Variants in PALLD observed in about 807,000 individuals in gnomAD.
The protein encoded by PALLD is palladin, cytoskeletal associated protein, also known as palladin.
A neutral mutation model predicts 123.5 loss-of-function variants in PALLD; 61 were observed. That is an observed-to-expected ratio of 0.49 (90% CI 0.40 to 0.61). The LOEUF (loss-of-function observed/expected upper bound fraction) is 0.61. Among genes scored for constraint, PALLD ranks in the 20% least tolerant of loss-of-function variants. PALLD has a pLI of 0.00. For missense variants in PALLD, 1,273 were observed against 1,377.0 expected, an observed-to-expected ratio of 0.92 and a Z score of 1.20; for synonymous variants, 465 against 496.4, an observed-to-expected ratio of 0.94 and a Z score of 0.84.
chr4:168,911,890 G>A (rs190678952), intron 15 of PALLD, among the ~76,000 whole-genome samples: 3 of 152,286 alleles, frequency 2.0e-5, no homozygotes, highest in East Asian at 3.9e-4. Flanking sequence ...AGTCACATAT[G>A]TAGTGGTATA....
chr4:168,612,224 G>T lies in PALLD; in HGVS notation c.909-55966G>T, dbSNP rs997619938. ...AGTTTCCTAAAATGCCTACTTTTAA[G>T]AAATTCAGTGTCCTTGAAATCTAGG... On this transcript the variant is annotated intron_variant, in intron 2 of 21. Coordinates refer to ENST00000505667, the MANE Select transcript of PALLD (RefSeq NM_001166108.2). Among the ~76,000 whole-genome samples the T allele has an allele frequency of 3.7e-5, 5 of 134,932 alleles. 1 individual carries two copies. The highest frequency in any genetic ancestry group is 7.9e-5 in the Non-Finnish European group (5 of 62,924). 88.5% of individuals were successfully genotyped at this position (134,932 alleles called of 152,430 possible). A position where few individuals can be genotyped will look rare whatever the true frequency, so the allele number is the denominator to read the frequency against.
chr4:168,638,586 C>G (rs780909874), intron 2 of PALLD, among the ~76,000 whole-genome samples: 2 of 152,184 alleles, frequency 1.3e-5, no homozygotes, highest in African/African-American at 4.8e-5. Flanking sequence ...GTTTATTGCT[C>G]ACAGTTCTGA....
chr4:168,648,634 G>A (rs1055158319), intron 2 of PALLD: 9 of 152,146 alleles, frequency 5.9e-5, no homozygotes, highest in African/African-American at 2.2e-4. Context: ...CTGCTTTTAA[G>A]GTCTCTTCAT....
intron 2 of PALLD, among the ~76,000 whole-genome samples, chr4:168,644,595 T>C (rs1198875930): frequency 6.6e-6 from 1 of 152,062 alleles, no homozygotes; most frequent in Non-Finnish European, 1.5e-5. Context: ...GAGTGGAGTA[T>C]GTAAATAGGA....
intron 10 of PALLD, among the ~76,000 whole-genome samples, chr4:168,848,153 C>CACCCA (rs1435275812): frequency 7.3e-6 from 1 of 136,558 alleles, no homozygotes; most frequent in Admixed American, 7.4e-5. Context: ...ACCCCCGTCC[C>CACCCA]ACCCCACCCC....
intron 10 of PALLD, among the ~76,000 whole-genome samples, chr4:168,840,923 T>C (rs1432252308): frequency 3.9e-5 from 6 of 152,170 alleles, no homozygotes; most frequent in Non-Finnish European, 8.8e-5. Context: ...TAATCTCGGC[T>C]CACTGCAACC....
intron 10 of PALLD, among the ~76,000 whole-genome samples, chr4:168,719,320 C>T (rs1392443663): frequency 1.0e-4 from 13 of 127,058 alleles, no homozygotes; most frequent in African/African-American, 1.5e-4. Flanking sequence ...TGCAATGACA[C>T]AATCTCGGCT....
intron 2 of PALLD, among the ~76,000 whole-genome samples, chr4:168,634,621 C>G (rs922214979): frequency 3.3e-5 from 5 of 152,186 alleles, no homozygotes; most frequent in African/African-American, 1.2e-4. Flanking sequence ...TCAGAGCGCA[C>G]TTGGTAGCGA....
chr4:168,860,014 C>G (rs1186569354), intron 10 of PALLD, among the ~76,000 whole-genome samples: 1 of 152,188 alleles, frequency 6.6e-6, no homozygotes, highest in Non-Finnish European at 1.5e-5. Context: ...TCAATTCTGA[C>G]TAACCACTGT....
chr4:168,866,919 G>C (rs1750369744), intron 10 of PALLD, among the ~76,000 whole-genome samples: 1 of 152,204 alleles, frequency 6.6e-6, no homozygotes, highest in South Asian at 2.1e-4. Flanking sequence ...CAGACTTAGA[G>C]CCATAGTCTT....
rs55781435 is a variant in PALLD at position 168,908,422 on chromosome 4, C to T, written c.2622+4516C>T. The stretch of plus-strand genomic sequence containing the variant: ...ATCTCAGCTTTACAACATCTATTAC[C>T]GTATATTAAAACTTTTTTCTTATAA... On this transcript the variant is annotated intron_variant, in intron 15 of 21. Coordinates refer to ENST00000505667, the MANE Select transcript of PALLD (RefSeq NM_001166108.2). Among the ~76,000 whole-genome samples, 387 of 151,840 alleles carry T rather than the reference C, an allele frequency of 2.5e-3. 1 individual carries two copies. Among genetic ancestry groups the T allele is most frequent in the African/African-American group, 8.8e-3 (366 of 41,412 alleles).
chr4:168,712,292 G>T, intron 10 of PALLD: 1 of 310,646 alleles, frequency 3.2e-6, no homozygotes, highest in Non-Finnish European at 6.1e-6. Context: ...TAAGTACTTT[G>T]CATTTGTTAC....
chr4:168,711,035 C>A (rs973292213), intron 9 of PALLD, among the ~76,000 whole-genome samples: 2 of 152,100 alleles, frequency 1.3e-5, no homozygotes, highest in African/African-American at 4.8e-5. Context: ...TTGAGGGCAA[C>A]AAATAAAAAT....
At chr4:168,761,663 T>TGTTTTG (rs1561494007) in intron 10 of PALLD, among the ~76,000 whole-genome samples, 21 of 134,816 alleles carry the variant, frequency 1.6e-4, no homozygotes, top group Admixed American at 1.5e-3. Context: ...TTTTTTTTTT[T>TGTTTTG]TTTTTTTTTT....
chr4:168,732,623 G>T (rs1787289668), intron 10 of PALLD, among the ~76,000 whole-genome samples: 1 of 148,056 alleles, frequency 6.8e-6, no homozygotes, highest in Non-Finnish European at 1.5e-5. Flanking sequence ...AAACATAGGG[G>T]CTTAAGGATG....
intron 10 of PALLD, among the ~76,000 whole-genome samples, chr4:168,788,030 G>A (rs1009699493): frequency 6.6e-6 from 1 of 152,152 alleles, no homozygotes; most frequent in African/African-American, 2.4e-5. Flanking sequence ...AACTAATCTG[G>A]CATCTTTGTT....
intron 10 of PALLD, among the ~76,000 whole-genome samples, chr4:168,747,445 A>G (rs1364538998): frequency 1.3e-5 from 2 of 152,270 alleles, no homozygotes; most frequent in East Asian, 3.8e-4. Context: ...AGTTGAAGGT[A>G]TTATTCCTAA....
chr4:168,624,079 T>A (rs1282433373), intron 2 of PALLD, among the ~76,000 whole-genome samples: 3 of 152,092 alleles, frequency 2.0e-5, no homozygotes, highest in African/African-American at 7.2e-5. Flanking sequence ...AGTCAACAAA[T>A]TCCAAAAGAT....
At chr4:168,733,696 G>T (rs1787400047) in intron 10 of PALLD, among the ~76,000 whole-genome samples, 2 of 152,084 alleles carry the variant, frequency 1.3e-5, no homozygotes, top group South Asian at 4.1e-4. Context: ...CCTCCTGAAG[G>T]GCTGGGATTA....
Sources: allele counts gnomAD v4.1 joint callset (sites outside exome capture counted in the v4.1 genomes callset), GRCh38; gene constraint gnomAD v4.1.1; transcripts MANE v1.5; gene names NCBI Gene and HGNC (gene_info 2026-07-23, HGNC 2026-07-21).